ATP8B4: variants seen among roughly 807,000 people sequenced by gnomAD.
ATP8B4 encodes the protein ATPase phospholipid transporting 8B4 (putative).
ATP8B4 carries 133 observed loss-of-function variants against 145.6 expected under a neutral mutation model. The ratio of observed to expected loss-of-function variants is 0.91; its 90% CI spans 0.79 to 1.05. The LOEUF (loss-of-function observed/expected upper bound fraction) is 1.05, where lower values mean the gene tolerates loss of function less well. Among genes scored for constraint, ATP8B4 ranks in the 50% least tolerant of loss-of-function variants. The pLI is 0.00. For synonymous variants in ATP8B4, 507 were observed against 492.9 expected (o/e 1.03, Z -0.38); for missense variants, 1,458 against 1,425.2 (o/e 1.02, Z -0.37).
At chr15:50,176,058 G>A (rs571555751) in intron 1 of ATP8B4, among the ~76,000 whole-genome samples, 7 of 150,176 alleles carry the variant, frequency 4.7e-5, no homozygotes, top group South Asian at 2.1e-4. Context: ...TATATATACC[G>A]CAGAGTATAT....
At chr15:50,090,342 C>A (rs1567342718) in intron 2 of ATP8B4, among the ~76,000 whole-genome samples, 1 of 152,172 alleles carries the variant, frequency 6.6e-6, no homozygotes, top group Non-Finnish European at 1.5e-5. Context: ...GCACATCCTG[C>A]ACATGTATCC....
intron 14 of ATP8B4, among the ~76,000 whole-genome samples, chr15:49,946,851 G>A (rs991346034): frequency 1.3e-5 from 2 of 152,168 alleles, no homozygotes; most frequent in South Asian, 2.1e-4. Flanking sequence ...CCAGCACCGG[G>A]ACAATGGTCA....
At chr15:50,092,887 T>TA (rs1451442290) in intron 2 of ATP8B4, among the ~76,000 whole-genome samples, 1 of 151,720 alleles carries the variant, frequency 6.6e-6, no homozygotes, top group Non-Finnish European at 1.5e-5. Context: ...CCAAGCTGGA[T>TA]AAAAAAAGAA....
intron 23 of ATP8B4, among the ~76,000 whole-genome samples, chr15:49,893,709 T>C (rs1598961529): frequency 6.6e-6 from 1 of 152,178 alleles, no homozygotes; most frequent in African/African-American, 2.4e-5. Flanking sequence ...GAAAAAGTTT[T>C]AGAGATCTGT....
At chr15:50,001,283 T>C (rs574259193) in intron 8 of ATP8B4, among the ~76,000 whole-genome samples, 1 of 152,316 alleles carries the variant, frequency 6.6e-6, no homozygotes, top group Non-Finnish European at 1.5e-5. Context: ...TTTTTCTCTT[T>C]TCAAATGTAT....
At chr15:49,979,260 G>T (rs2153532087) in intron 12 of ATP8B4, among the ~76,000 whole-genome samples, 1 of 152,146 alleles carries the variant, frequency 6.6e-6, no homozygotes, top group Admixed American at 6.5e-5. Context: ...CAGTCTAGTG[G>T]CAAAGAGGCA....
chr15:50,097,619 C>A (rs1024179985), intron 2 of ATP8B4, among the ~76,000 whole-genome samples: 2 of 152,142 alleles, frequency 1.3e-5, no homozygotes, highest in Non-Finnish European at 1.5e-5. Flanking sequence ...AGTAAACAAC[C>A]CTTTTGAAAG....
intron 1 of ATP8B4, among the ~76,000 whole-genome samples, chr15:50,171,882 G>T (rs1046261503): frequency 1.3e-5 from 2 of 152,020 alleles, no homozygotes; most frequent in Non-Finnish European, 2.9e-5. Flanking sequence ...CAAAACAGGA[G>T]ATATTACAAC....
chr15:50,013,379 A>C (rs1270198853), intron 6 of ATP8B4, among the ~76,000 whole-genome samples: 2 of 152,158 alleles, frequency 1.3e-5, no homozygotes, highest in Non-Finnish European at 1.5e-5. Flanking sequence ...CAGCACCTTC[A>C]AACTTTGCTT....
At chr15:49,880,365 A>G (rs1028191993) in intron 23 of ATP8B4, 6 of 152,246 alleles carry the variant, frequency 3.9e-5, no homozygotes, top group African/African-American at 1.4e-4. Context: ...AGTAGGCCCC[A>G]TGAAACAACC....
intron 2 of ATP8B4, among the ~76,000 whole-genome samples, chr15:50,100,550 A>G (rs2056289358): frequency 6.6e-6 from 1 of 152,242 alleles, no homozygotes; most frequent in East Asian, 1.9e-4. Flanking sequence ...GGAGTGACTA[A>G]ATAAATGAAT....
At chr15:50,118,608 A>G (rs2057221477) in intron 1 of ATP8B4, among the ~76,000 whole-genome samples, 1 of 152,198 alleles carries the variant, frequency 6.6e-6, no homozygotes, top group Non-Finnish European at 1.5e-5. Flanking sequence ...CCTATAAACA[A>G]AACAACTAGA....
chr15:49,909,319 C>T (rs1043973425), intron 20 of ATP8B4, among the ~76,000 whole-genome samples: 1 of 152,188 alleles, frequency 6.6e-6, no homozygotes, highest in Non-Finnish European at 1.5e-5. Context: ...GCACTTACCA[C>T]CCGTGGACCT....
chr15:50,002,214 G>GT lies in ATP8B4; in HGVS notation c.444dup (p.Leu149ThrfsTer6). 6.2e-7 allele frequency: 1 copy of GT among 1,609,552 alleles called. No individual in the cohort carries two copies. Among genetic ancestry groups the GT allele is most frequent in the Non-Finnish European group, 8.5e-7 (1 of 1,176,790 alleles). ...TGTGGCTCACTACTTGATAGGAGAA[G>GT]TAAATCAGCCTATTTTCAAAAATCA... On this transcript the variant is annotated frameshift_variant, in exon 8 of 28. Coordinates refer to ENST00000284509, the MANE Select transcript of ATP8B4 (RefSeq NM_024837.4). LOFTEE classifies it high-confidence loss of function.
chr15:50,087,060 TATA>T (rs1291266344), intron 2 of ATP8B4, among the ~76,000 whole-genome samples: 5 of 117,180 alleles, frequency 4.3e-5, no homozygotes, highest in Non-Finnish European at 6.4e-5. Context: ...ATTTATTATA[TATA>T]ATAAAATAAT....
At chr15:49,884,018 T>G (rs759761182) in intron 23 of ATP8B4, among the ~76,000 whole-genome samples, 1 of 152,226 alleles carries the variant, frequency 6.6e-6, no homozygotes, top group Admixed American at 6.5e-5. Flanking sequence ...TTTACAAAAG[T>G]GTAAAACAAT....
At chr15:50,072,017 T>G (rs1004527587) in intron 3 of ATP8B4, among the ~76,000 whole-genome samples, 4 of 120,564 alleles carry the variant, frequency 3.3e-5, no homozygotes, top group African/African-American at 1.3e-4. Flanking sequence ...CTCTCCTAAA[T>G]ATTAATAAAT....
At chr15:50,063,333 G>A (rs907259692) in intron 3 of ATP8B4, among the ~76,000 whole-genome samples, 2 of 151,746 alleles carry the variant, frequency 1.3e-5, no homozygotes, top group African/African-American at 4.8e-5. Flanking sequence ...GATTAATCCA[G>A]GTTGCCCATT....
intron 20 of ATP8B4, among the ~76,000 whole-genome samples, chr15:49,909,206 C>T (rs1484746584): frequency 6.6e-6 from 1 of 152,114 alleles, no homozygotes; most frequent in Non-Finnish European, 1.5e-5. Context: ...GCTCCATCCA[C>T]CATCCACTGC....
Sources: allele counts gnomAD v4.1 joint callset (sites outside exome capture counted in the v4.1 genomes callset), GRCh38; gene constraint gnomAD v4.1.1; transcripts MANE v1.5; gene names NCBI Gene and HGNC (gene_info 2026-07-23, HGNC 2026-07-21).